PSME4: variants seen among roughly 807,000 people sequenced by gnomAD.
PSME4 encodes the protein proteasome activator subunit 4.
A neutral mutation model predicts 253.9 loss-of-function variants in PSME4; 89 were observed. The ratio of observed to expected loss-of-function variants is 0.35; its 90% CI spans 0.30 to 0.42. The LOEUF (loss-of-function observed/expected upper bound fraction) is 0.42. Among genes scored for constraint, PSME4 ranks in the 10% least tolerant of loss-of-function variants. The probability of loss-of-function intolerance (pLI) is 1.00; values close to 1 mark genes in which losing one functional copy is unlikely to be tolerated. For synonymous variants in PSME4, 851 were observed against 759.2 expected, an observed-to-expected ratio of 1.12 and a Z score of -1.99; for missense variants, 2,014 against 2,195.2, an observed-to-expected ratio of 0.92 and a Z score of 1.65.
At chr2:53,912,595 G>A (rs913274094) in intron 20 of PSME4, among the ~76,000 whole-genome samples, 10 of 152,088 alleles carry the variant, frequency 6.6e-5, no homozygotes, top group African/African-American at 2.4e-4. Context: ...TGAGTAGCTG[G>A]TACTACAGGT....
intron 44 of PSME4, among the ~76,000 whole-genome samples, chr2:53,868,498 A>ATATAT (rs1678692264): frequency 7.6e-5 from 3 of 39,512 alleles, no homozygotes; most frequent in African/African-American, 3.1e-4. Flanking sequence ...TATATATATG[A>ATATAT]TATATATTAT....
At chr2:53,873,226 G>A (rs1316081585) in intron 43 of PSME4, among the ~76,000 whole-genome samples, 7 of 87,592 alleles carry the variant, frequency 8.0e-5, no homozygotes, top group South Asian at 3.0e-4. Context: ...GGGTAACAGC[G>A]AGACTCCGTC....
intron 3 of PSME4, among the ~76,000 whole-genome samples, chr2:53,940,875 A>AATATATATAATACATATTTAAATAT (rs1669363967): frequency 5.8e-5 from 6 of 102,614 alleles, no homozygotes; most frequent in East Asian, 2.9e-4. Context: ...TATATATTTA[A>AATATATATAATACATATTTAAATAT]ATATATATAA....
intron 46 of PSME4, 151 bp downstream of exon 46, chr2:53,865,934 T>C (rs1678543657): frequency 1.2e-6 from 1 of 832,588 alleles, no homozygotes; most frequent in African/African-American, 1.8e-5. Flanking sequence ...CCAATGGCCG[T>C]AGCAAAAGCC....
chr2:53,969,957 A>T (rs1408520282), intron 1 of PSME4, among the ~76,000 whole-genome samples: 1 of 152,138 alleles, frequency 6.6e-6, no homozygotes, highest in Non-Finnish European at 1.5e-5. Flanking sequence ...CTCAAGAATG[A>T]GGTCTGACTT....
At position 53,920,428 on chromosome 2, in the gene PSME4, T is replaced by C. The variant is rs940699006; in HGVS notation, c.2263-78A>G. ...ACAAACCCACATACATATACACAAT[T>C]TTTAAAATTTAAAAGAAAATGTACA... On this transcript the variant is annotated intron_variant, in intron 18 of 46. Transcript: ENST00000404125. 6 of 1,343,346 alleles carry C rather than the reference T, an allele frequency of 4.5e-6. No individual in the cohort carries two copies. In the African/African-American group the frequency reaches 8.9e-5, roughly 20 times the overall value. The allele number at this position is 1,343,346 out of a possible 1,614,324, so 83.2% of individuals were successfully genotyped here.
chr2:53,960,398 CA>C (rs1355944056), intron 1 of PSME4, among the ~76,000 whole-genome samples: 2,820 of 55,258 alleles, frequency 0.051, 31 homozygotes, highest in Non-Finnish European at 0.055. Context: ...GACTCCATCT[CA>C]AAAAAAAAAA....
At chr2:53,947,748 G>A (rs1021166371) in intron 3 of PSME4, among the ~76,000 whole-genome samples, 1 of 150,238 alleles carries the variant, frequency 6.7e-6, no homozygotes, top group Non-Finnish European at 1.5e-5. Flanking sequence ...AGGCGTGGTG[G>A]CTCATGCCTA....
chr2:53,963,262 G>A (rs1364096950), intron 1 of PSME4, among the ~76,000 whole-genome samples: 1 of 151,898 alleles, frequency 6.6e-6, no homozygotes, highest in Non-Finnish European at 1.5e-5. Flanking sequence ...GGAGCTCAAG[G>A]TTAAAACAGG....
chr2:53,955,547 G>T (rs750535545), intron 1 of PSME4, among the ~76,000 whole-genome samples: 17 of 151,928 alleles, frequency 1.1e-4, no homozygotes, highest in Non-Finnish European at 1.9e-4. Flanking sequence ...GTAGAATATG[G>T]AACGGAATAT....
chr2:53,967,415 C>T (rs569468269), intron 1 of PSME4, among the ~76,000 whole-genome samples: 52 of 151,734 alleles, frequency 3.4e-4, no homozygotes, highest in Non-Finnish European at 6.2e-4. Context: ...TTTGGGAGGC[C>T]GAGGCACACA....
Position 53,937,415 on chromosome 2 carries a change from G to A in PSME4, c.671C>T (p.Pro224Leu). The change falls in exon 5 of 47, where the codon CCA becomes CTA. Residue 224 changes from proline (P) to leucine (L), a missense_variant. Transcript: ENST00000404125. ...FEIFLPTSLP[P>L]ELHHKGFKLW... ...CTTAAAACCTTTATGATGAAGTTCTGGAGGAAGGGAGGTAGGAAGAAATAT... is the reference window on the plus strand; with the variant it reads ...CTTAAAACCTTTATGATGAAGTTCTAGAGGAAGGGAGGTAGGAAGAAATAT... 1 of 1,605,760 alleles carries A rather than the reference G, an allele frequency of 6.2e-7. No homozygotes were observed. Among genetic ancestry groups the A allele is most frequent in the Non-Finnish European group, 8.5e-7 (1 of 1,175,410 alleles).
At chr2:53,921,496 C>T (rs550707973) in intron 17 of PSME4, among the ~76,000 whole-genome samples, 22 of 150,746 alleles carry the variant, frequency 1.5e-4, no homozygotes, top group African/African-American at 3.6e-4. Context: ...CCGCCCGCCT[C>T]GGCCTCCCAA....
intron 8 of PSME4, chr2:53,933,017 G>A: frequency 5.0e-6 from 2 of 399,328 alleles, no homozygotes; most frequent in African/African-American, 2.0e-5. Flanking sequence ...TGTCAACTTA[G>A]GATAACAAAC....
In PSME4 at chr2:53,901,425, T is replaced by A; in HGVS notation, c.3210A>T (p.Pro1070=). 6.2e-7 allele frequency: 1 copy of A among 1,614,224 alleles called. No individual in the cohort carries two copies. Among genetic ancestry groups the A allele is most frequent in the Non-Finnish European group, 8.5e-7 (1 of 1,180,020 alleles). ...GATCATCAAACAATCTCACTATTGA[T>A]GGCTTTTCCAGGGACATTGCTTGGC... ...GLSQAMSLEK[P]SIVRLFDDLA... The change falls in exon 28 of 47, where the codon CCA becomes CCT. Residue 1070 remains proline (P), a synonymous_variant. Transcript: ENST00000404125.
intron 1 of PSME4, among the ~76,000 whole-genome samples, chr2:53,968,139 G>T (rs753060320): frequency 6.6e-6 from 1 of 151,942 alleles, no homozygotes; most frequent in Non-Finnish European, 1.5e-5. Context: ...GCCAGGCATG[G>T]TGGCACTCGC....
intron 3 of PSME4, chr2:53,942,305 A>T (rs1406685974): frequency 6.6e-6 from 1 of 152,564 alleles, no homozygotes; most frequent in Non-Finnish European, 1.5e-5. Flanking sequence ...GTGAATAATC[A>T]CTAAATACTT....
chr2:53,928,227 G>T lies in PSME4; in HGVS notation c.1393C>A (p.Arg465Ser). The T allele has an allele frequency of 6.2e-7, 1 of 1,614,046 alleles. No individual in the cohort carries two copies. The highest frequency in any genetic ancestry group is 8.5e-7 in the Non-Finnish European group (1 of 1,179,966). The change falls in exon 11 of 47, where the codon CGC becomes AGC. Residue 465 changes from arginine (R) to serine (S), a missense_variant. By Grantham distance (110) the Arg-to-Ser change is moderately radical. Coordinates refer to ENST00000404125, the MANE Select transcript of PSME4 (RefSeq NM_014614.3). ...ATLSCVIGVARSLVSGGRWFP... is the reference protein window; with the variant it reads ...ATLSCVIGVASSLVSGGRWFP... ...CATCTGCCTCCTGATACCAAACTGC[G>T]GGCTACTCCAATTACACAACTTAAA...
intron 1 of PSME4, among the ~76,000 whole-genome samples, chr2:53,964,753 T>C (rs1670637859): frequency 6.6e-6 from 1 of 152,246 alleles, no homozygotes. Flanking sequence ...CACTTATTAC[T>C]TTCCACAAGA....
Sources: allele counts gnomAD v4.1 joint callset (sites outside exome capture counted in the v4.1 genomes callset), GRCh38; gene constraint gnomAD v4.1.1; transcripts MANE v1.5; gene names NCBI Gene and HGNC (gene_info 2026-07-23, HGNC 2026-07-21).